The following BBIP1 variants were observed in gnomAD, a reference collection of about 807,000 sequenced individuals.
BBIP1 encodes the protein BBSome interacting protein 1.
A neutral mutation model predicts 8.9 loss-of-function variants in BBIP1; 6 were observed. The ratio of observed to expected loss-of-function variants is 0.67; its 90% CI spans 0.37 to 1.33. BBIP1 has a LOEUF of 1.33. Ranked by LOEUF, BBIP1 falls within the 40% of genes most tolerant of loss-of-function variation. The pLI, the probability that BBIP1 is intolerant of heterozygous loss-of-function variation, is 0.02. For missense variants in BBIP1, 111 were observed against 109.2 expected, an observed-to-expected ratio of 1.02 and a Z score of -0.07; for synonymous variants, 32 against 33.4, an observed-to-expected ratio of 0.96 and a Z score of 0.14.
At chr10:110,907,676 TA>T in intron 2 of BBIP1, 1 of 678,202 alleles carries the variant, frequency 1.5e-6, no homozygotes, top group Non-Finnish European at 2.7e-6. Flanking sequence ...TGATTGTTCT[TA>T]ACCTCGCTTG....
intron 1 of BBIP1, 110 bp from the exon 2 acceptor site, chr10:110,918,323 C>A: frequency 3.3e-6 from 2 of 612,014 alleles, no homozygotes; most frequent in South Asian, 2.0e-5. Flanking sequence ...AGGAATCCCA[C>A]CACCAGAACC....
At chr10:110,902,657 CCTCTCTCTTG>C (rs1438442501) in intron 2 of BBIP1, 1 of 152,236 alleles carries the variant, frequency 6.6e-6, no homozygotes, top group African/African-American at 2.4e-5. Context: ...CAAGTCTCTT[CCTCTCTCTTG>C]CTCAGATTCT....
In BBIP1 at chr10:110,900,461, A is replaced by AT. The variant is rs1236337055; in HGVS notation, c.177dup (p.Ser60IlefsTer38). ...TTCTCTAGTTTTTCCAGAGTCAGAG[A>AT]TTTTAAGGGTAAAAGTTTGGGTTTA... On this transcript the variant is annotated frameshift_variant, in exon 4 of 4. Coordinates refer to ENST00000448814, the MANE Select transcript of BBIP1 (RefSeq NM_001195305.3). LOFTEE classifies it high-confidence loss of function. The AT allele has an allele frequency of 4.6e-6, 7 of 1,535,862 alleles. No individual in the cohort carries two copies. The highest frequency in any genetic ancestry group is 6.1e-6 in the Non-Finnish European group (7 of 1,146,756).
intron 2 of BBIP1, chr10:110,911,270 C>T (rs1173222863): frequency 3.3e-5 from 5 of 152,018 alleles, no homozygotes; most frequent in Non-Finnish European, 7.4e-5. Flanking sequence ...GATGAAAAAC[C>T]TATGGGCAAG....
intron 2 of BBIP1, among the ~76,000 whole-genome samples, chr10:110,916,040 G>T (rs972380742): frequency 6.6e-6 from 1 of 152,198 alleles, no homozygotes; most frequent in African/African-American, 2.4e-5. Flanking sequence ...TGAGTAGGCT[G>T]TCCAAGGTCA....
In BBIP1 at chr10:110,900,449, CCA is replaced by C. The variant is rs1458879865; in HGVS notation, c.188_189del (p.Leu63ArgfsTer34). ...PKLLPLKSLT[L>X]EKLEKMHQAA... ...GCTTGATGCATTTTCTCTAGTTTTTCCAGAGTCAGAGATTTTAAGGGTAAAAG... is the reference window on the plus strand; with the variant it reads ...GCTTGATGCATTTTCTCTAGTTTTTCGAGTCAGAGATTTTAAGGGTAAAAG... On this transcript the variant is annotated frameshift_variant, in exon 4 of 4. Transcript: ENST00000448814. LOFTEE classifies it high-confidence loss of function. The C allele has an allele frequency of 1.3e-6, 2 of 1,535,804 alleles. No homozygotes were observed. The highest frequency in any genetic ancestry group is 2.4e-5 in the South Asian group (2 of 84,052).
At chr10:110,918,298 AAAC>A in intron 1 of BBIP1, 85 bp from the exon 2 acceptor site, 1 of 700,366 alleles carries the variant, frequency 1.4e-6, no homozygotes. Flanking sequence ...GTTGTTTAAG[AAAC>A]TGTAGACCTG....
In BBIP1 at chr10:110,900,226, A is replaced by G. The variant is rs896848545; in HGVS notation, c.*134T>C. 46 of 862,592 alleles carry G rather than the reference A, an allele frequency of 5.3e-5. 1 individual carries two copies. In the African/African-American group the frequency reaches 6.6e-4, roughly 12 times the overall value. 53.4% of individuals were successfully genotyped at this position (862,592 alleles called of 1,614,324 possible). A position where few individuals can be genotyped will look rare whatever the true frequency, so the allele number is the denominator to read the frequency against. ...ACAATACAAATTTCATCAATCTTGG[A>G]TATTTTTGTATTTCTATGAATACTA... On this transcript the variant is annotated 3_prime_UTR_variant, in exon 4 of 4. Coordinates refer to ENST00000448814, the MANE Select transcript of BBIP1 (RefSeq NM_001195305.3).
intron 2 of BBIP1, among the ~76,000 whole-genome samples, chr10:110,909,053 G>A (rs1279645926): frequency 1.3e-5 from 2 of 152,158 alleles, no homozygotes; most frequent in Non-Finnish European, 2.9e-5. Context: ...CAAGATTTAA[G>A]TAAAAGCTGT....
At chr10:110,901,514 C>A in intron 3 of BBIP1, 24 bp downstream of exon 3, 1 of 1,493,168 alleles carries the variant, frequency 6.7e-7, no homozygotes, top group Non-Finnish European at 9.0e-7. Context: ...TAATCAATGA[C>A]CTCAATATTT....
chr10:110,918,187 G>A lies in BBIP1; in HGVS notation c.-30C>T, dbSNP rs1176970164. 7 of 1,528,222 alleles carry A rather than the reference G, an allele frequency of 4.6e-6. No individual in the cohort carries two copies. The highest frequency in any genetic ancestry group is 1.2e-5 in the South Asian group (1 of 83,912). 94.7% of individuals were successfully genotyped at this position (1,528,222 alleles called of 1,614,324 possible). A position where few individuals can be genotyped will look rare whatever the true frequency, so the allele number is the denominator to read the frequency against. ...CCCGGTATTACCAAGATGACTTAGA[G>A]TTCTTGACTCAAGCATACAGAAGAA... On this transcript the variant is annotated 5_prime_UTR_variant, in exon 2 of 4. Transcript: ENST00000448814.
At chr10:110,914,227 T>C (rs1178204989) in intron 2 of BBIP1, among the ~76,000 whole-genome samples, 4 of 152,182 alleles carry the variant, frequency 2.6e-5, no homozygotes, top group Admixed American at 6.5e-5. Flanking sequence ...GGAGCAATCA[T>C]GGCCATGGAC....
intron 2 of BBIP1, chr10:110,911,568 T>C (rs558012951): frequency 1.3e-5 from 2 of 151,878 alleles, no homozygotes; most frequent in Admixed American, 1.3e-4. Flanking sequence ...GAATTACCCA[T>C]GTGCCCATCC....
chr10:110,910,174 G>C (rs1055055637), intron 2 of BBIP1, among the ~76,000 whole-genome samples: 1 of 152,148 alleles, frequency 6.6e-6, no homozygotes, highest in Admixed American at 6.5e-5. Flanking sequence ...GCTGAATGGG[G>C]GTTTACTAGG....
At position 110,901,519 on chromosome 10, in the gene BBIP1, A is replaced by G. The variant is rs1227514796; in HGVS notation, c.112+19T>C. 4.0e-6 allele frequency: 6 copies of G among 1,508,144 alleles called. No homozygotes were observed. The highest frequency in any genetic ancestry group is 2.7e-6 in the Non-Finnish European group (3 of 1,121,468). 93.4% of individuals were successfully genotyped at this position (1,508,144 alleles called of 1,614,324 possible). A position where few individuals can be genotyped will look rare whatever the true frequency, so the allele number is the denominator to read the frequency against. The stretch of plus-strand genomic sequence containing the variant: ...AGTCCTGTAATAATCAATGACCTCA[A>G]TATTTGTGATGTACATACCTTGCTT... On this transcript the variant is annotated intron_variant, in intron 3 of 3. Transcript: ENST00000448814.
chr10:110,918,543 G>C (rs1453559115), intron 1 of BBIP1, among the ~76,000 whole-genome samples: 1 of 152,246 alleles, frequency 6.6e-6, no homozygotes, highest in Admixed American at 6.5e-5. Flanking sequence ...TACTTAATAG[G>C]AACTTGCGGA....
intron 3 of BBIP1, chr10:110,901,118 C>T (rs1564689627): frequency 2.2e-6 from 1 of 454,732 alleles, no homozygotes; most frequent in East Asian, 7.0e-5. Context: ...ATTGAGATCC[C>T]TTCTCTACAA....
intron 2 of BBIP1, among the ~76,000 whole-genome samples, chr10:110,915,530 A>C (rs988129769): frequency 2.0e-5 from 3 of 152,100 alleles, no homozygotes; most frequent in South Asian, 2.1e-4. Context: ...CTCACTAAAT[A>C]ATCAATGTCA....
intron 3 of BBIP1, chr10:110,901,092 C>T (rs1204355912): frequency 2.2e-6 from 1 of 450,852 alleles, no homozygotes; most frequent in Non-Finnish European, 4.4e-6. Context: ...GGGTTTGAGA[C>T]CAGCCTAGGC....
Sources: allele counts gnomAD v4.1 joint callset (sites outside exome capture counted in the v4.1 genomes callset), GRCh38; gene constraint gnomAD v4.1.1; transcripts MANE v1.5; gene names NCBI Gene and HGNC (gene_info 2026-07-23, HGNC 2026-07-21).